PCDHGA2: variants seen among roughly 807,000 people sequenced by gnomAD.
The protein encoded by PCDHGA2 is protocadherin gamma-A2.
In PCDHGA2, 40 loss-of-function variants were observed where a neutral mutation model predicts 59.2. That is an observed-to-expected ratio of 0.68 (90% CI 0.52 to 0.88). The LOEUF is 0.88. PCDHGA2 is among the 40% of genes least tolerant of loss of function. PCDHGA2 has a pLI of 0.00. For missense variants in PCDHGA2, 1,226 were observed against 1,204.0 expected, an observed-to-expected ratio of 1.02 and a Z score of -0.27; for synonymous variants, 560 against 526.0, an observed-to-expected ratio of 1.06 and a Z score of -0.89.
At chr5:141,395,410 AT>A (rs1180706569) in intron 1 of PCDHGA2, 2 of 801,646 alleles carry the variant, frequency 2.5e-6, no homozygotes, top group African/African-American at 3.5e-5. Flanking sequence ...GTCATAGGTT[AT>A]TGTTTCATTT....
Position 141,398,834 on chromosome 5 carries a change from A to G in PCDHGA2, c.2424+57439A>G, listed in dbSNP as rs201953825. On this transcript the variant is annotated intron_variant, in intron 1 of 3. Transcript: ENST00000394576. Reference sequence around the variant, plus strand: ...CTCCGGATCCAGGTAACCGACGCCAATGATAATCCCCCGGTATTCAACCGA... The same window carrying G: ...CTCCGGATCCAGGTAACCGACGCCAGTGATAATCCCCCGGTATTCAACCGA... The G allele has an allele frequency of 3.9e-4, 623 of 1,614,014 alleles. 4 individuals are homozygous for G. In the South Asian group the frequency reaches 4.2e-3, roughly 11 times the overall value.
intron 1 of PCDHGA2, chr5:141,371,270 C>A: frequency 6.2e-7 from 1 of 1,614,012 alleles, no homozygotes. Context: ...GACAACTGTT[C>A]AAGCTGGACA....
At chr5:141,355,865 G>C in intron 1 of PCDHGA2, 1 of 1,612,652 alleles carries the variant, frequency 6.2e-7, no homozygotes, top group Non-Finnish European at 8.5e-7. Flanking sequence ...GACCCGGTTC[G>C]CTCTGGCACT....
At chr5:141,418,868 G>A in intron 1 of PCDHGA2, 2 of 1,613,998 alleles carry the variant, frequency 1.2e-6, no homozygotes, top group Non-Finnish European at 1.7e-6. Flanking sequence ...AATTGTAGAA[G>A]TTGTAGACGA....
At chr5:141,415,801 A>G (rs560476453) in intron 1 of PCDHGA2, 12 of 1,373,384 alleles carry the variant, frequency 8.7e-6, no homozygotes, top group East Asian at 5.3e-5. Flanking sequence ...CCTAGTCTCA[A>G]TCAAGGCCTA....
intron 1 of PCDHGA2, chr5:141,367,864 T>C (rs960069997): frequency 1.1e-4 from 16 of 152,208 alleles, no homozygotes; most frequent in African/African-American, 3.9e-4. Flanking sequence ...TCTTTAAGTG[T>C]AGGTGCAATT....
At chr5:141,451,776 G>C (rs1279891846) in intron 1 of PCDHGA2, among the ~76,000 whole-genome samples, 1 of 152,078 alleles carries the variant, frequency 6.6e-6, no homozygotes, top group Non-Finnish European at 1.5e-5. Flanking sequence ...AGCTACTCAG[G>C]AGGCTGAGGC....
At chr5:141,374,071 T>C (rs1443520558) in intron 1 of PCDHGA2, 3 of 1,507,898 alleles carry the variant, frequency 2.0e-6, no homozygotes, top group Non-Finnish European at 2.7e-6. Flanking sequence ...GAGAAGTTCC[T>C]AATAAGCCAG....
rs115565444 is a variant in PCDHGA2, at chr5:141,487,520, G to A, written c.2425-7287G>A. On this transcript the variant is annotated intron_variant, in intron 1 of 3. Transcript: ENST00000394576. This position sits in a 1 kb window ranked among gnomAD's most constrained non-coding sequence, Gnocchi z 5.0. ...CTTGGCTTCTGCACCCACTCGGAGT[G>A]ATAGCTTCATGATGGTGAAGTCACC... is the stretch of plus-strand genomic sequence containing the variant. The A allele has an allele frequency of 3.3e-4, 540 of 1,614,166 alleles. 6 individuals carry two copies. The East Asian group carries it at 8.7e-3, about 26-fold the overall frequency.
At position 141,511,241 on chromosome 5, in the gene PCDHGA2, C is replaced by G; in HGVS notation, c.*68C>G. ...CCAGCCCAGCTTCTCCTTACCTGCA[C>G]CCAGGCCTCAGAGTTTCAGGGCTAA... On this transcript the variant is annotated 3_prime_UTR_variant, in exon 4 of 4. Transcript: ENST00000394576. 1 of 1,585,214 alleles carries G rather than the reference C, an allele frequency of 6.3e-7. No individual in the cohort carries two copies. The highest frequency in any genetic ancestry group is 1.1e-5 in the South Asian group (1 of 87,760).
chr5:141,387,995 T>TCC (rs2091190111), intron 1 of PCDHGA2: 1 of 1,490,632 alleles, frequency 6.7e-7, no homozygotes, highest in Admixed American at 2.1e-5. Flanking sequence ...GCTACAGGAT[T>TCC]CCCGAGGAAA....
At position 141,413,783 on chromosome 5, in the gene PCDHGA2, C is replaced by T. The variant is rs1418394305; in HGVS notation, c.2424+72388C>T. 3.7e-6 allele frequency: 6 copies of T among 1,613,096 alleles called. No individual in the cohort carries two copies. Among genetic ancestry groups the T allele is most frequent in the Non-Finnish European group, 4.2e-6 (5 of 1,179,878 alleles). On this transcript the variant is annotated intron_variant, in intron 1 of 3. Coordinates refer to ENST00000394576, the MANE Select transcript of PCDHGA2 (RefSeq NM_018915.4). ...TACCCGGAGCTGGTACTGGAGCACT[C>T]CCTAGATCGCGAGGAAGAGGCCATT...
chr5:141,401,586 A>G (rs1174763520), intron 1 of PCDHGA2, among the ~76,000 whole-genome samples: 2 of 152,228 alleles, frequency 1.3e-5, no homozygotes, highest in Admixed American at 1.3e-4. Context: ...ATCCTGACAT[A>G]TTCTTGAAGA....
At chr5:141,389,114 C>T in intron 1 of PCDHGA2, 2 of 1,614,004 alleles carry the variant, frequency 1.2e-6, no homozygotes, top group Non-Finnish European at 1.7e-6. Context: ...TTCTAGACCG[C>T]GAGCAGAATC....
intron 1 of PCDHGA2, chr5:141,342,906 T>C (rs1168209537): frequency 3.3e-5 from 5 of 152,206 alleles, no homozygotes; most frequent in African/African-American, 4.8e-5. Context: ...AGGAAACTTC[T>C]TTCAGTACCC....
chr5:141,384,638 G>T (rs1003169745), intron 1 of PCDHGA2: 38 of 1,614,070 alleles, frequency 2.4e-5, no homozygotes, highest in Non-Finnish European at 2.6e-5. Context: ...CTGGCACCCC[G>T]CTCCGCAGAG....
Position 141,383,152 on chromosome 5 carries a change from G to T in PCDHGA2, c.2424+41757G>T, listed in dbSNP as rs200500982. ...CCTGAACCAGCGCAGCGGCAGCTTG[G>T]TCACTGCGGGCAGGATAGACCGGGA... On this transcript the variant is annotated intron_variant, in intron 1 of 3. Coordinates refer to ENST00000394576, the MANE Select transcript of PCDHGA2 (RefSeq NM_018915.4). 3.1e-6 allele frequency: 5 copies of T among 1,614,006 alleles called. No homozygotes were observed. In the African/African-American group the frequency reaches 6.7e-5, roughly 22 times the overall value.
intron 1 of PCDHGA2, chr5:141,422,118 ACAAACTGGAGAAGTT>A (rs1243312753): frequency 6.2e-7 from 1 of 1,604,312 alleles, no homozygotes; most frequent in Non-Finnish European, 8.5e-7. Flanking sequence ...AATTGGATTC[ACAAACTGGAGAAGTT>A]CAAGTACGGG....
Position 141,489,147 on chromosome 5 carries a change from A to G in PCDHGA2, c.2425-5660A>G. On this transcript the variant is annotated intron_variant, in intron 1 of 3. Coordinates refer to ENST00000394576, the MANE Select transcript of PCDHGA2 (RefSeq NM_018915.4). The surrounding 1 kb of genome is among the most constrained non-coding windows in gnomAD (Gnocchi z 4.5). ...GCAGTTTTTAAGAGGCTGGAAGGAG[A>G]CATAAGAGACTTCAGCTGCTGCATT... The G allele has an allele frequency of 1.2e-6, 1 of 802,676 alleles. No homozygotes were observed. Among genetic ancestry groups the G allele is most frequent in the Non-Finnish European group, 1.9e-6 (1 of 528,868 alleles). 49.7% of individuals were successfully genotyped at this position (802,676 alleles called of 1,614,324 possible). A position where few individuals can be genotyped will look rare whatever the true frequency, so the allele number is the denominator to read the frequency against.
Sources: allele counts gnomAD v4.1 joint callset (sites outside exome capture counted in the v4.1 genomes callset), GRCh38; gene constraint gnomAD v4.1.1; non-coding constraint Gnocchi (gnomAD v3.1); transcripts MANE v1.5; gene names NCBI Gene and HGNC (gene_info 2026-07-23, HGNC 2026-07-21).